The following SWAP70 variants were observed in gnomAD, a reference collection of about 807,000 sequenced individuals.
SWAP70 encodes switching B cell complex subunit SWAP70, also known as switch-associated protein 70.
Under a neutral mutation model 80.2 loss-of-function variants are expected in SWAP70, and 34 were observed. The observed-to-expected ratio is 0.42, with a 90% CI of 0.32 to 0.56. The LOEUF is 0.56. SWAP70 is among the 20% of genes least tolerant of loss of function. The probability of loss-of-function intolerance (pLI) is 0.09; values close to 1 mark genes in which losing one functional copy is unlikely to be tolerated. For synonymous variants in SWAP70, 239 were observed against 238.5 expected, an observed-to-expected ratio of 1.00 and a Z score of -0.02; for missense variants, 578 against 690.7, an observed-to-expected ratio of 0.84 and a Z score of 1.83.
chr11:9,690,162 A>G (rs1329123965), intron 1 of SWAP70, among the ~76,000 whole-genome samples: 1 of 152,206 alleles, frequency 6.6e-6, no homozygotes, highest in African/African-American at 2.4e-5. Flanking sequence ...AAATTAATAG[A>G]TGGTATGAGT....
At chr11:9,699,691 T>TA (rs1232588518) in intron 2 of SWAP70, among the ~76,000 whole-genome samples, 1 of 151,846 alleles carries the variant, frequency 6.6e-6, no homozygotes, top group African/African-American at 2.4e-5. Context: ...CCTATCTCTA[T>TA]AAAAAAACTT....
In SWAP70 at chr11:9,724,726, T is replaced by C. The variant is rs1309792775; in HGVS notation, c.483T>C (p.His161=). 8.7e-6 allele frequency: 14 copies of C among 1,614,024 alleles called. No individual in the cohort carries two copies. In the African/African-American group the frequency reaches 1.6e-4, roughly 18 times the overall value. ...GTTGGCAGCAAGAACAATTTGAACATTATAAAATCAACTTTGATGACAGTA... is the reference window on the plus strand; with the variant it reads ...GTTGGCAGCAAGAACAATTTGAACACTATAAAATCAACTTTGATGACAGTA... ...GGGWQQEQFE[H]YKINFDDSKN... Residue 161 remains histidine (H), a synonymous_variant, in exon 4 of 12, where the codon CAT becomes CAC. Transcript: ENST00000318950.
intron 3 of SWAP70, among the ~76,000 whole-genome samples, chr11:9,723,712 T>C (rs1049416822): frequency 3.3e-5 from 5 of 152,132 alleles, no homozygotes; most frequent in Non-Finnish European, 1.5e-5. Context: ...GTATCAATTC[T>C]CATTCAGTTT....
At chr11:9,727,997 T>A (rs1851247402) in intron 4 of SWAP70, 56 bp from the exon 5 acceptor site, 2 of 1,459,282 alleles carry the variant, frequency 1.4e-6, no homozygotes, top group Non-Finnish European at 9.1e-7. Flanking sequence ...AAGGAAGAGA[T>A]GTCAGCTCTT....
intron 2 of SWAP70, among the ~76,000 whole-genome samples, chr11:9,702,638 C>G (rs1324541323): frequency 6.6e-6 from 1 of 152,000 alleles, no homozygotes; most frequent in African/African-American, 2.4e-5. Context: ...CCAGGCTGGT[C>G]TTGAACTCCT....
chr11:9,706,408 C>G (rs1029475785), intron 2 of SWAP70, among the ~76,000 whole-genome samples: 2 of 151,830 alleles, frequency 1.3e-5, no homozygotes, highest in Non-Finnish European at 2.9e-5. Flanking sequence ...CCCATTTTGT[C>G]TTTTTGTTTA....
At chr11:9,711,327 C>T (rs1420797300) in intron 2 of SWAP70, among the ~76,000 whole-genome samples, 1 of 152,150 alleles carries the variant, frequency 6.6e-6, no homozygotes, top group Non-Finnish European at 1.5e-5. Flanking sequence ...TCCTAATGAT[C>T]AGTCTTCACC....
chr11:9,743,273 C>A (rs1380623821), intron 9 of SWAP70, among the ~76,000 whole-genome samples: 2 of 148,274 alleles, frequency 1.3e-5, no homozygotes, highest in Admixed American at 6.7e-5. Flanking sequence ...TGTATATGTG[C>A]CACATTTTCT....
intron 4 of SWAP70, among the ~76,000 whole-genome samples, chr11:9,727,493 G>T (rs918543703): frequency 6.7e-6 from 1 of 148,826 alleles, no homozygotes; most frequent in African/African-American, 2.5e-5. Flanking sequence ...CCAAAGTGCT[G>T]GGATTACAGG....
chr11:9,714,780 A>G (rs1416197755), intron 3 of SWAP70, among the ~76,000 whole-genome samples: 1 of 150,720 alleles, frequency 6.6e-6, no homozygotes, highest in Non-Finnish European at 1.5e-5. Flanking sequence ...AGAAACAGCC[A>G]CACTGGCTGA....
At position 9,706,667 on chromosome 11, in the gene SWAP70, A is replaced by G. The variant is rs111227626; in HGVS notation, c.241-6799A>G. Among the ~76,000 whole-genome samples the G allele has an allele frequency of 4.7e-3, 714 of 152,268 alleles. 7 individuals carry two copies. Among genetic ancestry groups the G allele is most frequent in the African/African-American group, 0.016 (678 of 41,554 alleles). The stretch of plus-strand genomic sequence containing the variant: ...TTGTCATATATGTATATCTTAATGT[A>G]TGATTAATTTTTACTCTGGAGACAT... On this transcript the variant is annotated intron_variant, in intron 2 of 11. Transcript: ENST00000318950.
chr11:9,677,899 T>C (rs540171179), intron 1 of SWAP70, among the ~76,000 whole-genome samples: 1 of 152,338 alleles, frequency 6.6e-6, no homozygotes, highest in South Asian at 2.1e-4. Context: ...TTTTTAGTTT[T>C]TTTATCTTTT....
intron 1 of SWAP70, among the ~76,000 whole-genome samples, chr11:9,671,799 TATATAA>T (rs1211168725): frequency 5.0e-5 from 5 of 100,308 alleles, no homozygotes; most frequent in Non-Finnish European, 8.8e-5. Flanking sequence ...TTTATAAATA[TATATAA>T]ATATAAATAT....
rs565416757 is a variant in SWAP70, at chr11:9,752,636, C to G, written c.*2666C>G. 1.0e-3 allele frequency: 152 copies of G among 152,262 alleles called. 1 individual carries two copies. The highest frequency in any genetic ancestry group is 3.5e-3 in the African/African-American group (146 of 41,558). 9.4% of individuals were successfully genotyped at this position (152,262 alleles called of 1,614,324 possible). A position where few individuals can be genotyped will look rare whatever the true frequency, so the allele number is the denominator to read the frequency against. ...AGGGCCAACAGAACTCTTGGTTTTA[C>G]TTTTGTAATTACTGTACAGAAAATT... On this transcript the variant is annotated 3_prime_UTR_variant, in exon 12 of 12. Coordinates refer to ENST00000318950, the MANE Select transcript of SWAP70 (RefSeq NM_015055.4).
chr11:9,664,348 G>A lies in SWAP70; in HGVS notation c.99+70G>A, dbSNP rs1482091828. 2.0e-6 allele frequency: 3 copies of A among 1,480,986 alleles called. No homozygotes were observed. The African/African-American group carries it at 4.3e-5, about 21-fold the overall frequency. The allele number at this position is 1,480,986 out of a possible 1,614,324, so 91.7% of individuals were successfully genotyped here. ...CGCTCTGTACTTCCCTTGGGTGGAAGCGGGACCTGGCGGGCCGTGACCGCA... is the reference window on the plus strand; with the variant it reads ...CGCTCTGTACTTCCCTTGGGTGGAAACGGGACCTGGCGGGCCGTGACCGCA... On this transcript the variant is annotated intron_variant, in intron 1 of 11. Coordinates refer to ENST00000318950, the MANE Select transcript of SWAP70 (RefSeq NM_015055.4).
intron 1 of SWAP70, among the ~76,000 whole-genome samples, chr11:9,690,525 A>G (rs1224337084): frequency 6.6e-6 from 1 of 152,120 alleles, no homozygotes; most frequent in African/African-American, 2.4e-5. Flanking sequence ...TGCTGAGATC[A>G]TGCCATTGCA....
chr11:9,686,994 A>G (rs1008174646), intron 1 of SWAP70, among the ~76,000 whole-genome samples: 1 of 152,210 alleles, frequency 6.6e-6, no homozygotes, highest in African/African-American at 2.4e-5. Context: ...AACACCAGGT[A>G]TTACTTAGGC....
At chr11:9,675,320 C>CGAGAGAGAGAGAGAGAGAGCGAGA (rs1850475002) in intron 1 of SWAP70, among the ~76,000 whole-genome samples, 2 of 31,460 alleles carry the variant, frequency 6.4e-5, no homozygotes, top group Non-Finnish European at 2.0e-4. Flanking sequence ...AGAGAGGGAG[C>CGAGAGAGAGAGAGAGAGAGCGAGA]GAGAGAGAGA....
chr11:9,725,438 C>T (rs1851196861), intron 4 of SWAP70, among the ~76,000 whole-genome samples: 1 of 145,428 alleles, frequency 6.9e-6, no homozygotes, highest in Non-Finnish European at 1.5e-5. Flanking sequence ...AATCCCAGCA[C>T]TTTGGGAGGC....
Sources: gnomAD v4.1 joint callset for allele counts (sites outside exome capture counted in the v4.1 genomes callset) on GRCh38, gnomAD v4.1.1 for gene constraint, MANE v1.5 for transcripts, NCBI Gene and HGNC (gene_info 2026-07-23, HGNC 2026-07-21) for gene names.